Variants in PUDP observed in about 807,000 individuals in gnomAD.
PUDP encodes pseudouridine 5'-phosphatase.
PUDP carries 8 observed loss-of-function variants against 9.4 expected under a neutral mutation model. The observed-to-expected ratio is 0.85, with a 90% confidence interval of 0.50 to 1.53. PUDP has a LOEUF of 1.53. Ranked by LOEUF, PUDP falls within the 40% of genes most tolerant of loss-of-function variation. The pLI is 0.00. For synonymous variants in PUDP, 99 were observed against 80.7 expected, an observed-to-expected ratio of 1.23 and a Z score of -1.22; for missense variants, 188 against 189.7, an observed-to-expected ratio of 0.99 and a Z score of 0.05.
intron 1 of PUDP, among the ~76,000 whole-genome samples, chrX:7,002,695 T>C (rs1190676817): frequency 1.8e-5 from 2 of 111,192 alleles, no homozygotes; most frequent in East Asian, 2.8e-4. Context: ...GGGAGTGTAG[T>C]GTGCAGAAGA....
chrX:6,926,697 C>T (rs1205066256), intron 3 of PUDP, among the ~76,000 whole-genome samples: 1 of 111,659 alleles, frequency 9.0e-6, no homozygotes, highest in East Asian at 2.8e-4. Context: ...TTCAGAGCTA[C>T]CAAAAATAAA....
intron 3 of PUDP, among the ~76,000 whole-genome samples, chrX:6,904,904 C>CACTG (rs1282877704): frequency 1.8e-5 from 2 of 111,674 alleles, no homozygotes; most frequent in African/African-American, 6.5e-5. Flanking sequence ...TCTAGCATTG[C>CACTG]ACTGACTTAT....
intron 3 of PUDP, among the ~76,000 whole-genome samples, chrX:6,914,262 G>A (rs1186199749): frequency 1.8e-5 from 2 of 110,241 alleles, no homozygotes; most frequent in Non-Finnish European, 3.8e-5. Context: ...GAAAAGAAAG[G>A]GCCAACAAGC....
chrX:6,955,658 T>C (rs1332032134), intron 3 of PUDP, among the ~76,000 whole-genome samples: 1 of 111,657 alleles, frequency 9.0e-6, no homozygotes, highest in Non-Finnish European at 1.9e-5. Flanking sequence ...CCCTAAAACA[T>C]ATTGCTTAAC....
intron 1 of PUDP, among the ~76,000 whole-genome samples, chrX:7,129,173 A>T (rs1201158530): frequency 8.9e-6 from 1 of 112,254 alleles, no homozygotes; most frequent in Non-Finnish European, 1.9e-5. Flanking sequence ...GTTATACCAC[A>T]GCATTTCATT....
At chrX:6,851,990 T>C (rs985760997) in intron 3 of PUDP, among the ~76,000 whole-genome samples, 23 of 112,356 alleles carry the variant, frequency 2.0e-4, no homozygotes, top group East Asian at 2.8e-4. Context: ...TTGGAACATG[T>C]GGTAAGGCAG....
At position 7,049,756 on chromosome X, in the gene PUDP, A is replaced by G. The variant is rs1288298564; in HGVS notation, c.*540T>C. 1 of 112,478 alleles carries G rather than the reference A, an allele frequency of 8.9e-6. No homozygotes were observed. The highest frequency in any genetic ancestry group is 2.8e-4 in the East Asian group (1 of 3,563). The allele number at this position is 112,478 out of a possible 1,213,427, so 9.3% of individuals were successfully genotyped here. A position where few individuals can be genotyped will look rare whatever the true frequency, so the allele number is the denominator to read the frequency against. The stretch of plus-strand genomic sequence containing the variant: ...CTGAGGAGAGTGATGCAGACGATAG[A>G]TATAAACATATCTACATACATATGC... On this transcript the variant is annotated 3_prime_UTR_variant, in exon 4 of 4. Coordinates refer to ENST00000381077, the MANE Select transcript of PUDP (RefSeq NM_012080.5).
At chrX:7,129,318 G>A (rs756580816) in intron 1 of PUDP, among the ~76,000 whole-genome samples, 62 of 111,795 alleles carry the variant, frequency 5.5e-4, no homozygotes, top group Non-Finnish European at 9.2e-4. Flanking sequence ...CTAATATATT[G>A]GCTCCATCTA....
intron 1 of PUDP, among the ~76,000 whole-genome samples, chrX:6,990,129 G>GCACACA (rs373150266): frequency 2.6e-4 from 28 of 107,189 alleles, no homozygotes; most frequent in Non-Finnish European, 5.0e-4. Context: ...AGGCGCGCAT[G>GCACACA]CACACACACA....
intron 3 of PUDP, among the ~76,000 whole-genome samples, chrX:6,849,079 T>G (rs1926790519): frequency 8.9e-6 from 1 of 112,021 alleles, no homozygotes; most frequent in African/African-American, 3.2e-5. Context: ...AAGAGTGTGA[T>G]TCCCATTTCC....
intron 3 of PUDP, among the ~76,000 whole-genome samples, chrX:6,973,253 T>G (rs1036522267): frequency 8.9e-6 from 1 of 111,837 alleles, no homozygotes; most frequent in African/African-American, 3.3e-5. Context: ...CTGCTAGCTT[T>G]GGAATTTGTT....
At chrX:6,991,658 G>C (rs1198971844) in intron 1 of PUDP, among the ~76,000 whole-genome samples, 1 of 100,747 alleles carries the variant, frequency 9.9e-6, no homozygotes, top group Admixed American at 1.1e-4. Flanking sequence ...AGCTGAGTGA[G>C]AGAGTAAGAC....
Position 7,104,411 on chromosome X carries a change from T to C in PUDP, c.280+1209A>G, listed in dbSNP as rs188341607. Among the ~76,000 whole-genome samples the C allele has an allele frequency of 2.7e-5, 3 of 111,579 alleles. No individual in the cohort carries two copies. In the East Asian group the frequency reaches 8.4e-4, roughly 31 times the overall value. On this transcript the variant is annotated intron_variant, in intron 2 of 3. Coordinates refer to ENST00000381077, the MANE Select transcript of PUDP (RefSeq NM_012080.5). ...GCCAGGGGTTGAGGGCAGGGCGAAA[T>C]GGGGACTTGTTCAATGAGCACGAAG...
intron 3 of PUDP, among the ~76,000 whole-genome samples, chrX:6,750,978 A>C (rs1925066406): frequency 9.1e-6 from 1 of 110,182 alleles, no homozygotes; most frequent in Non-Finnish European, 1.9e-5. Flanking sequence ...TCTCTAGCAA[A>C]AATACAAAAG....
chrX:7,099,033 T>C (rs1164269563), intron 2 of PUDP, among the ~76,000 whole-genome samples: 3 of 112,088 alleles, frequency 2.7e-5, no homozygotes, highest in Non-Finnish European at 5.6e-5. Flanking sequence ...GCTCTTCCTC[T>C]AGGAATCTCA....
At chrX:6,913,523 G>A (rs980988087) in intron 3 of PUDP, among the ~76,000 whole-genome samples, 3 of 111,831 alleles carry the variant, frequency 2.7e-5, no homozygotes, top group Non-Finnish European at 3.8e-5. Flanking sequence ...AAAGATTAGT[G>A]AGATAGTTAT....
chrX:6,750,232 G>T (rs907106396), intron 3 of PUDP, among the ~76,000 whole-genome samples: 1 of 111,991 alleles, frequency 8.9e-6, no homozygotes, highest in African/African-American at 3.2e-5. Context: ...TTATATGAAT[G>T]ATTTCATCAG....
intron 1 of PUDP, among the ~76,000 whole-genome samples, chrX:7,123,871 A>C (rs1034820366): frequency 1.8e-5 from 2 of 112,218 alleles, no homozygotes; most frequent in Admixed American, 1.9e-4. Context: ...ATATGAACCT[A>C]ACCACAGAGC....
chrX:6,982,353 G>A (rs1929047683), intron 1 of PUDP, among the ~76,000 whole-genome samples: 1 of 111,531 alleles, frequency 9.0e-6, no homozygotes, highest in Admixed American at 9.5e-5. Context: ...ATCCCCGAAG[G>A]CTTGGAGGTT....
Sources: gnomAD v4.1 joint callset for allele counts (sites outside exome capture counted in the v4.1 genomes callset) on GRCh38, gnomAD v4.1.1 for gene constraint, MANE v1.5 for transcripts, NCBI Gene and HGNC (gene_info 2026-07-23, HGNC 2026-07-21) for gene names.